The following LRRTM4 variants were observed in gnomAD, a reference collection of about 807,000 sequenced individuals.
LRRTM4 encodes the protein leucine-rich repeat transmembrane neuronal protein 4.
Under a neutral mutation model 47.6 loss-of-function variants are expected in LRRTM4, and 25 were observed. The observed-to-expected ratio is 0.53, with a 90% confidence interval of 0.38 to 0.73. The LOEUF is 0.73. LRRTM4 is among the 30% of genes least tolerant of loss of function. The probability of loss-of-function intolerance (pLI) is 0.00; values close to 1 mark genes in which losing one functional copy is unlikely to be tolerated. For missense variants in LRRTM4, 638 were observed against 713.4 expected, an observed-to-expected ratio of 0.89 and a Z score of 1.20; for synonymous variants, 311 against 269.5, an observed-to-expected ratio of 1.15 and a Z score of -1.51.
chr2:77,189,350 C>A (rs1426772519), intron 3 of LRRTM4, among the ~76,000 whole-genome samples: 1 of 152,064 alleles, frequency 6.6e-6, no homozygotes, highest in Non-Finnish European at 1.5e-5. Context: ...TGCTTTTGTG[C>A]CTTTTTCATT....
At chr2:77,498,746 A>G (rs1237623135) in intron 3 of LRRTM4, among the ~76,000 whole-genome samples, 1 of 150,888 alleles carries the variant, frequency 6.6e-6, no homozygotes, top group East Asian at 1.9e-4. Flanking sequence ...TGTGGCAACT[A>G]ACTATTTTTC....
intron 3 of LRRTM4, among the ~76,000 whole-genome samples, chr2:76,787,050 C>T (rs1159891685): frequency 6.6e-6 from 1 of 151,668 alleles, no homozygotes; most frequent in Admixed American, 6.6e-5. Context: ...ATAAGGATGC[C>T]CTAAGGAAAA....
chr2:77,466,984 C>T (rs1003723629), intron 3 of LRRTM4, among the ~76,000 whole-genome samples: 1 of 151,868 alleles, frequency 6.6e-6, no homozygotes, highest in Non-Finnish European at 1.5e-5. Context: ...AAACGTGAGC[C>T]ACCGTGCCTG....
intron 3 of LRRTM4, among the ~76,000 whole-genome samples, chr2:77,236,484 AT>A (rs559867769): frequency 3.5e-4 from 52 of 147,410 alleles, no homozygotes; most frequent in African/African-American, 9.9e-4. Flanking sequence ...GCCTCACTTC[AT>A]TTTTTTTTTC....
intron 3 of LRRTM4, among the ~76,000 whole-genome samples, chr2:77,137,509 A>C: frequency 6.6e-6 from 1 of 150,890 alleles, no homozygotes; most frequent in Admixed American, 6.6e-5. Context: ...AGTACCAGCC[A>C]CTGCAAAAAC....
At chr2:77,481,287 G>A (rs1209662977) in intron 3 of LRRTM4, among the ~76,000 whole-genome samples, 1 of 152,176 alleles carries the variant, frequency 6.6e-6, no homozygotes, top group African/African-American at 2.4e-5. Context: ...CTGAGGCTCA[G>A]CAAGTATCCT....
intron 3 of LRRTM4, among the ~76,000 whole-genome samples, chr2:76,878,852 T>A (rs973623463): frequency 6.6e-6 from 1 of 151,848 alleles, no homozygotes; most frequent in Non-Finnish European, 1.5e-5. Context: ...CCAGCCTGGA[T>A]GAAAGAGCAA....
At chr2:77,351,128 G>T (rs1671753755) in intron 3 of LRRTM4, among the ~76,000 whole-genome samples, 1 of 152,028 alleles carries the variant, frequency 6.6e-6, no homozygotes, top group African/African-American at 2.4e-5. Context: ...GTGCTCACGT[G>T]TTATCATCAT....
intron 3 of LRRTM4, among the ~76,000 whole-genome samples, chr2:76,959,685 C>G (rs988427794): frequency 2.0e-5 from 3 of 151,638 alleles, no homozygotes; most frequent in Non-Finnish European, 4.4e-5. Context: ...AAGCATGTGG[C>G]ATTGGCTACG....
intron 3 of LRRTM4, among the ~76,000 whole-genome samples, chr2:77,315,599 TA>T (rs1677595181): frequency 6.6e-6 from 1 of 152,228 alleles, no homozygotes; most frequent in African/African-American, 2.4e-5. Context: ...GACTAAACTT[TA>T]CTCAGGTTTC....
At chr2:76,991,748 A>T (rs1296026523) in intron 3 of LRRTM4, among the ~76,000 whole-genome samples, 1 of 151,782 alleles carries the variant, frequency 6.6e-6, no homozygotes, top group East Asian at 1.9e-4. Context: ...CTATTCCAAA[A>T]ATATCAAAGA....
chr2:76,807,735 G>A (rs1296016284), intron 3 of LRRTM4, among the ~76,000 whole-genome samples: 3 of 149,630 alleles, frequency 2.0e-5, no homozygotes, highest in Non-Finnish European at 4.5e-5. Context: ...GGGATTACAG[G>A]CATGTGCCTC....
rs576691017 is a variant in LRRTM4 at position 76,909,094 on chromosome 2, T to C, written c.1552-160178A>G. Among the ~76,000 whole-genome samples the C allele has an allele frequency of 1.4e-4, 21 of 152,258 alleles. No homozygotes were observed. The South Asian group carries it at 4.1e-3, about 30-fold the overall frequency. ...CATCACACTACCTGACTTCAAACTA[T>C]ACTACAAGGCTACAGTAACCAAAAC... is the stretch of plus-strand genomic sequence containing the variant. On this transcript the variant is annotated intron_variant, in intron 3 of 3. Coordinates refer to ENST00000409884, the MANE Select transcript of LRRTM4 (RefSeq NM_001134745.3).
intron 3 of LRRTM4, among the ~76,000 whole-genome samples, chr2:77,014,226 C>T (rs912297810): frequency 4.6e-5 from 7 of 152,008 alleles, no homozygotes; most frequent in East Asian, 1.9e-4. Flanking sequence ...TCAAAAGTAA[C>T]GGGAAGTAGG....
chr2:76,816,308 T>G (rs1670893954), intron 3 of LRRTM4, among the ~76,000 whole-genome samples: 1 of 152,088 alleles, frequency 6.6e-6, no homozygotes, highest in African/African-American at 2.4e-5. Flanking sequence ...ACTGGCTGCT[T>G]TGACTATGCA....
At chr2:77,022,552 A>G (rs916603548) in intron 3 of LRRTM4, among the ~76,000 whole-genome samples, 7 of 152,232 alleles carry the variant, frequency 4.6e-5, no homozygotes, top group African/African-American at 1.4e-4. Context: ...CTTCCTAGAT[A>G]CAATGGAGGT....
chr2:77,316,605 G>C (rs141369166), intron 3 of LRRTM4, among the ~76,000 whole-genome samples: 2 of 151,422 alleles, frequency 1.3e-5, no homozygotes, highest in African/African-American at 4.9e-5. Context: ...CTGGAGTGCA[G>C]TGCGTATCCC....
At chr2:77,239,546 G>A (rs1460371191) in intron 3 of LRRTM4, among the ~76,000 whole-genome samples, 1 of 151,840 alleles carries the variant, frequency 6.6e-6, no homozygotes, top group Non-Finnish European at 1.5e-5. Context: ...ACAGAAAGTT[G>A]TTTTAAATAT....
At chr2:77,282,750 T>A (rs1168761900) in intron 3 of LRRTM4, among the ~76,000 whole-genome samples, 1 of 151,942 alleles carries the variant, frequency 6.6e-6, no homozygotes, top group Non-Finnish European at 1.5e-5. Context: ...GGGAAAGGAC[T>A]CCCTAGTCAA....
Sources: gnomAD v4.1 joint callset for allele counts (sites outside exome capture counted in the v4.1 genomes callset) on GRCh38, gnomAD v4.1.1 for gene constraint, MANE v1.5 for transcripts, NCBI Gene and HGNC (gene_info 2026-07-23, HGNC 2026-07-21) for gene names.